Variants in CELF2 observed in about 807,000 individuals in gnomAD.
CELF2 encodes CUG triplet repeat RNA-binding protein 2.
Under a neutral mutation model 62.6 loss-of-function variants are expected in CELF2, and 8 were observed. The ratio of observed to expected loss-of-function variants is 0.13; its 90% CI spans 0.07 to 0.23. The LOEUF (loss-of-function observed/expected upper bound fraction) is 0.23. CELF2 is among the 10% of genes least tolerant of loss of function. The pLI, the probability that CELF2 is intolerant of heterozygous loss-of-function variation, is 1.00. For synonymous variants in CELF2, 258 were observed against 250.0 expected (o/e 1.03, Z -0.30); for missense variants, 333 against 671.0 (o/e 0.50, Z 5.56).
intron 1 of CELF2, among the ~76,000 whole-genome samples, chr10:10,808,639 A>G (rs1469375969): frequency 1.3e-5 from 2 of 152,242 alleles, no homozygotes; most frequent in Non-Finnish European, 2.9e-5. Context: ...AAAAGTAAAT[A>G]CAGGAGGTAA....
intron 1 of CELF2, among the ~76,000 whole-genome samples, chr10:10,906,056 G>A (rs993454861): frequency 6.6e-6 from 1 of 152,064 alleles, no homozygotes; most frequent in African/African-American, 2.4e-5. Flanking sequence ...GGGCGATAGA[G>A]CCAGATTCTG....
chr10:11,328,914 G>T lies in CELF2; in HGVS notation c.1439-12G>T, dbSNP rs200407911. On this transcript the variant is annotated splice_polypyrimidine_tract_variant and intron_variant, in intron 12 of 12. Coordinates refer to ENST00000633077, the MANE Select transcript of CELF2 (RefSeq NM_001326342.2). This position sits in a 1 kb window ranked among gnomAD's most constrained non-coding sequence, Gnocchi z 6.4. The stretch of plus-strand genomic sequence containing the variant: ...CCTCTCCAGGCTGACTCCCTCTCTC[G>T]GTATTTTCCAGGTTTTGTTAGCTAC... 6.2e-7 allele frequency: 1 copy of T among 1,604,546 alleles called. No individual in the cohort carries two copies. The highest frequency in any genetic ancestry group is 8.5e-7 in the Non-Finnish European group (1 of 1,173,276).
At chr10:10,798,348 G>C (rs1375035431), upstream of CELF2, 1 of 161,088 alleles carries the variant, frequency 6.2e-6, no homozygotes, top group South Asian at 2.0e-4. Context: ...CCCCAAGGAG[G>C]GGAAGGCTGC....
chr10:10,655,224 A>T, the CELF2 span, among the ~76,000 whole-genome samples: 7 of 142,638 alleles, frequency 4.9e-5, no homozygotes, highest in African/African-American at 1.5e-4. Flanking sequence ...AAAAGAGGAT[A>T]CAAACAAATG....
chr10:10,511,490 G>A, the CELF2 span, among the ~76,000 whole-genome samples: 290 of 152,106 alleles, frequency 1.9e-3, no homozygotes, highest in Non-Finnish European at 3.2e-3. Context: ...GGTGTGTTTG[G>A]ATTATATTGA....
At chr10:11,263,701 C>T (rs570451715) in intron 5 of CELF2, among the ~76,000 whole-genome samples, 33 of 152,328 alleles carry the variant, frequency 2.2e-4, no homozygotes, top group African/African-American at 7.5e-4. Flanking sequence ...CCAGTCTTAA[C>T]GGTAGGGACT....
chr10:10,548,470 A>G, the CELF2 span, among the ~76,000 whole-genome samples: 14 of 152,234 alleles, frequency 9.2e-5, no homozygotes, highest in African/African-American at 3.4e-4. Context: ...TTATGACTAT[A>G]GTCTAAATAT....
intron 1 of CELF2, among the ~76,000 whole-genome samples, chr10:11,121,704 G>T (rs892466623): frequency 8.4e-4 from 111 of 132,308 alleles, no homozygotes; most frequent in Admixed American, 2.2e-3. Context: ...TATTTTTTTT[G>T]TTTTTTTTAC....
At chr10:10,649,273 ATCTC>A in the CELF2 span, among the ~76,000 whole-genome samples, 14 of 152,330 alleles carry the variant, frequency 9.2e-5, no homozygotes, top group South Asian at 1.9e-3. Flanking sequence ...TGCCTTGAGC[ATCTC>A]AGGGTAAAAA....
chr10:10,661,915 C>T, the CELF2 span, among the ~76,000 whole-genome samples: 1 of 152,170 alleles, frequency 6.6e-6, no homozygotes, highest in Non-Finnish European at 1.5e-5. Flanking sequence ...GAGATACAGA[C>T]CTTTGTATCT....
chr10:10,532,201 A>G, the CELF2 span, among the ~76,000 whole-genome samples: 1 of 152,274 alleles, frequency 6.6e-6, no homozygotes, highest in Non-Finnish European at 1.5e-5. Flanking sequence ...AACAAAATTC[A>G]TTTGACGCTA....
At chr10:11,108,616 C>G (rs897248984) in intron 1 of CELF2, among the ~76,000 whole-genome samples, 4 of 152,204 alleles carry the variant, frequency 2.6e-5, no homozygotes, top group Non-Finnish European at 5.9e-5. Context: ...CGCAAGCACA[C>G]TTAACTTCAT....
At chr10:11,275,007 G>A in intron 7 of CELF2, 50 bp from the exon 8 acceptor site, 2 of 1,551,240 alleles carry the variant, frequency 1.3e-6, no homozygotes, top group South Asian at 1.1e-5. Flanking sequence ...TAATGAGGGA[G>A]TTACTTTGCT....
chr10:10,778,485 G>T, the CELF2 span, among the ~76,000 whole-genome samples: 1 of 152,160 alleles, frequency 6.6e-6, no homozygotes, highest in African/African-American at 2.4e-5. Context: ...CTGGTGAAAT[G>T]GGAGCTCAAA....
chr10:11,114,622 G>A (rs966366027), intron 1 of CELF2, among the ~76,000 whole-genome samples: 1 of 152,234 alleles, frequency 6.6e-6, no homozygotes. Context: ...TGAGTGAGTG[G>A]ATGATGATGG....
chr10:11,099,191 A>G (rs1055394003), intron 1 of CELF2, among the ~76,000 whole-genome samples: 1 of 152,198 alleles, frequency 6.6e-6, no homozygotes, highest in Non-Finnish European at 1.5e-5. Flanking sequence ...GTACTCTTAG[A>G]ATACCTACAC....
rs2055761651 is a variant in CELF2 at position 11,008,612 on chromosome 10, G to A, written c.53+3172G>A. Among the ~76,000 whole-genome samples the A allele has an allele frequency of 1.3e-5, 2 of 152,164 alleles. No individual in the cohort carries two copies. Among genetic ancestry groups the A allele is most frequent in the South Asian group, 4.1e-4 (2 of 4,824 alleles). ...TCAGGGGGGTTAATTAGGTGAAAAT[G>A]TGGCTGATAAAAAGTTCATTGAGCA... On this transcript the variant is annotated intron_variant, in intron 1 of 12. Transcript: ENST00000416382. This position sits in a 1 kb window ranked among gnomAD's most constrained non-coding sequence, Gnocchi z 4.5.
At chr10:10,583,181 A>G in the CELF2 span, among the ~76,000 whole-genome samples, 1 of 152,224 alleles carries the variant, frequency 6.6e-6, no homozygotes, top group Non-Finnish European at 1.5e-5. Flanking sequence ...GTTTGTCTCT[A>G]GAATCACCAA....
In CELF2 at chr10:11,247,288, T is replaced by C. The variant is rs1565532301; in HGVS notation, c.355-1865T>C. ...GGTGTTGCCCACCTTCACCGCCCCT[T>C]CCCGTGGTCCTCCATGCTCACACTG... On this transcript the variant is annotated intron_variant, in intron 3 of 12. Transcript: ENST00000633077. The surrounding 1 kb of genome is among the most constrained non-coding windows in gnomAD (Gnocchi z 5.4). 6.6e-6 allele frequency among the ~76,000 whole-genome samples: 1 copy of C among 152,188 alleles called. No homozygotes were observed. The highest frequency in any genetic ancestry group is 1.5e-5 in the Non-Finnish European group (1 of 68,026).
Sources: allele counts gnomAD v4.1 joint callset (sites outside exome capture counted in the v4.1 genomes callset), GRCh38; gene constraint gnomAD v4.1.1; non-coding constraint Gnocchi (gnomAD v3.1); transcripts MANE v1.5; gene names NCBI Gene and HGNC (gene_info 2026-07-23, HGNC 2026-07-21).